Variants in PRR16 observed in about 807,000 individuals in gnomAD.
The protein encoded by PRR16 is protein Largen.
PRR16 carries 6 observed loss-of-function variants against 18.2 expected under a neutral mutation model. The ratio of observed to expected loss-of-function variants is 0.33; its 90% confidence interval spans 0.18 to 0.65. The LOEUF is 0.65. Among genes scored for constraint, PRR16 ranks in the 30% least tolerant of loss-of-function variants. PRR16 has a pLI of 0.74. For missense variants in PRR16, 412 were observed against 376.6 expected, an observed-to-expected ratio of 1.09 and a Z score of -0.78; for synonymous variants, 151 against 147.8, an observed-to-expected ratio of 1.02 and a Z score of -0.16.
intron 1 of PRR16, among the ~76,000 whole-genome samples, chr5:120,484,261 T>G (rs2691097): frequency 0.72 from 106,399 of 148,166 alleles, 39,307 homozygotes; most frequent in East Asian, 0.96. Flanking sequence ...ACTCTAGTAC[T>G]GAAAGTTAAA....
chr5:120,621,461 C>G lies in PRR16; in HGVS notation c.160-64493C>G, dbSNP rs1754687595. On this transcript the variant is annotated intron_variant, in intron 1 of 1. Coordinates refer to ENST00000407149, the MANE Select transcript of PRR16 (RefSeq NM_001300783.2). ...TCGTCTCAGTCTCTGATCCCCCTGTCCAGTACTCTACTATACAAGCTGTGT... is the reference window on the plus strand; with the variant it reads ...TCGTCTCAGTCTCTGATCCCCCTGTGCAGTACTCTACTATACAAGCTGTGT... Among the ~76,000 whole-genome samples the G allele has an allele frequency of 2.6e-5, 4 of 152,204 alleles. No individual in the cohort carries two copies. The South Asian group carries it at 6.2e-4, about 24-fold the overall frequency.
At chr5:120,794,182 A>C in the PRR16 span, among the ~76,000 whole-genome samples, 1 of 152,190 alleles carries the variant, frequency 6.6e-6, no homozygotes, top group African/African-American at 2.4e-5. Flanking sequence ...GCAGAAAGTT[A>C]CATATTTGAA....
intron 1 of PRR16, among the ~76,000 whole-genome samples, chr5:120,572,866 T>C (rs983691576): frequency 6.6e-6 from 1 of 152,124 alleles, no homozygotes; most frequent in Non-Finnish European, 1.5e-5. Context: ...TTGCATAAGA[T>C]GAGGACTGCA....
chr5:120,673,208 T>C (rs911286127), intron 1 of PRR16, among the ~76,000 whole-genome samples: 4 of 152,260 alleles, frequency 2.6e-5, no homozygotes, highest in Non-Finnish European at 5.9e-5. Flanking sequence ...TATGGAACTA[T>C]GTGATGCTTT....
At chr5:120,792,258 C>T in the PRR16 span, among the ~76,000 whole-genome samples, 5 of 152,330 alleles carry the variant, frequency 3.3e-5, no homozygotes, top group East Asian at 1.9e-4. Flanking sequence ...ATGATCAGGC[C>T]TGCTCTTCAG....
intron 1 of PRR16, among the ~76,000 whole-genome samples, chr5:120,588,433 C>A (rs1753524134): frequency 6.6e-6 from 1 of 152,142 alleles, no homozygotes; most frequent in Non-Finnish European, 1.5e-5. Context: ...CCACAGCCAT[C>A]CCAACCTTAG....
intron 1 of PRR16, among the ~76,000 whole-genome samples, chr5:120,636,881 A>C (rs1355511233): frequency 1.3e-5 from 2 of 152,162 alleles, no homozygotes; most frequent in Non-Finnish European, 2.9e-5. Context: ...AAATCTTCAC[A>C]ATCTATACAT....
intron 1 of PRR16, among the ~76,000 whole-genome samples, chr5:120,553,295 C>A (rs1181551370): frequency 6.6e-6 from 1 of 151,778 alleles, no homozygotes; most frequent in Non-Finnish European, 1.5e-5. Flanking sequence ...TACAAAGGGT[C>A]TCATGTTACA....
intron 1 of PRR16, among the ~76,000 whole-genome samples, chr5:120,680,462 T>G (rs954487438): frequency 6.6e-6 from 1 of 152,176 alleles, no homozygotes; most frequent in African/African-American, 2.4e-5. Context: ...TTAGGTTGTT[T>G]CCAATTTCTT....
intron 1 of PRR16, among the ~76,000 whole-genome samples, chr5:120,668,212 C>G (rs1580857033): frequency 6.6e-6 from 1 of 150,796 alleles, no homozygotes; most frequent in African/African-American, 2.4e-5. Flanking sequence ...TATGTAATGG[C>G]CTTCTTTGTC....
chr5:120,505,418 TG>T (rs1750607591), intron 1 of PRR16, among the ~76,000 whole-genome samples: 1 of 151,464 alleles, frequency 6.6e-6, no homozygotes, highest in African/African-American at 2.5e-5. Flanking sequence ...CTTGGGCAGG[TG>T]TCCAATCACA....
At chr5:120,469,287 C>G (rs1003835541) in intron 1 of PRR16, among the ~76,000 whole-genome samples, 2 of 152,032 alleles carry the variant, frequency 1.3e-5, no homozygotes, top group Admixed American at 6.6e-5. Flanking sequence ...ATAAAAAATT[C>G]GTTACAAGAA....
At chr5:120,775,733 C>T in the PRR16 span, among the ~76,000 whole-genome samples, 2 of 149,856 alleles carry the variant, frequency 1.3e-5, no homozygotes, top group Admixed American at 6.7e-5. Context: ...CAGGCTCAAG[C>T]GATTCTCCAG....
the PRR16 span, among the ~76,000 whole-genome samples, chr5:120,767,560 C>T: frequency 2.6e-5 from 4 of 151,758 alleles, no homozygotes; most frequent in African/African-American, 4.8e-5. Context: ...GATTTTTTGT[C>T]ATCTGAGTCC....
chr5:120,509,683 T>C (rs1321310476), intron 1 of PRR16, among the ~76,000 whole-genome samples: 1 of 152,168 alleles, frequency 6.6e-6, no homozygotes, highest in South Asian at 2.1e-4. Flanking sequence ...TTTGCTGTTA[T>C]AGACATCAGA....
At chr5:120,492,569 A>T (rs1750095941) in intron 1 of PRR16, among the ~76,000 whole-genome samples, 1 of 151,950 alleles carries the variant, frequency 6.6e-6, no homozygotes, top group Admixed American at 6.6e-5. Context: ...TATATGTTTT[A>T]CTTTTTAAAA....
the PRR16 span, among the ~76,000 whole-genome samples, chr5:120,720,684 T>C: frequency 6.6e-6 from 1 of 152,094 alleles, no homozygotes; most frequent in Non-Finnish European, 1.5e-5. Context: ...TCCTGAATAG[T>C]TGATTCAAAA....
intron 1 of PRR16, among the ~76,000 whole-genome samples, chr5:120,684,787 C>T (rs549615672): frequency 2.6e-5 from 4 of 152,276 alleles, no homozygotes; most frequent in African/African-American, 9.6e-5. Context: ...CCCCAGTATC[C>T]TTGCCAAAGT....
At chr5:120,499,226 C>G (rs74909950) in intron 1 of PRR16, among the ~76,000 whole-genome samples, 2,780 of 152,082 alleles carry the variant, frequency 0.018, 31 homozygotes, top group Non-Finnish European at 0.029. Flanking sequence ...TCTCCTGTCT[C>G]AGCCGCCCCA....
Sources: allele counts gnomAD v4.1 joint callset (sites outside exome capture counted in the v4.1 genomes callset), GRCh38; gene constraint gnomAD v4.1.1; transcripts MANE v1.5; gene names NCBI Gene and HGNC (gene_info 2026-07-23, HGNC 2026-07-21).